ABCD3: variants seen among roughly 807,000 people sequenced by gnomAD.
The protein encoded by ABCD3 is ATP-binding cassette sub-family D member 3.
In ABCD3, 41 loss-of-function variants were observed where a neutral mutation model predicts 105.5. The ratio of observed to expected loss-of-function variants is 0.39; its 90% CI spans 0.30 to 0.50. ABCD3 has a LOEUF of 0.50. Ranked by LOEUF, ABCD3 falls within the 20% of genes least tolerant of loss-of-function variation. The pLI, the probability that ABCD3 is intolerant of heterozygous loss-of-function variation, is 0.84. For synonymous variants in ABCD3, 258 were observed against 269.0 expected (o/e 0.96, Z 0.40); for missense variants, 622 against 806.3 (o/e 0.77, Z 2.77).
chr1:94,437,333 A>G (rs1232805464), intron 1 of ABCD3, among the ~76,000 whole-genome samples: 1 of 152,254 alleles, frequency 6.6e-6, no homozygotes, highest in East Asian at 1.9e-4. Flanking sequence ...GGGATAATGC[A>G]GCAAGCAATT....
chr1:94,431,589 AC>A (rs368139922), intron 1 of ABCD3, among the ~76,000 whole-genome samples: 36 of 152,112 alleles, frequency 2.4e-4, no homozygotes, highest in African/African-American at 8.7e-4. Flanking sequence ...TTTGAGACAG[AC>A]TCACTCTGTG....
intron 8 of ABCD3, chr1:94,478,738 T>C (rs1168286335): frequency 2.3e-6 from 2 of 881,386 alleles, no homozygotes; most frequent in African/African-American, 1.7e-5. Context: ...CTTGTACTTA[T>C]TGTTTCAAAG....
intron 20 of ABCD3, among the ~76,000 whole-genome samples, chr1:94,504,617 G>A (rs1294892196): frequency 6.6e-6 from 1 of 152,176 alleles, no homozygotes; most frequent in Non-Finnish European, 1.5e-5. Flanking sequence ...CTAGAATGTT[G>A]GGGTTAGAGC....
chr1:94,396,984 A>T, the ABCD3 span, among the ~76,000 whole-genome samples: 1 of 152,114 alleles, frequency 6.6e-6, no homozygotes, highest in African/African-American at 2.4e-5. Flanking sequence ...TTATATTTAA[A>T]TTTTTTTAGG....
chr1:94,456,622 C>T, intron 1 of ABCD3, among the ~76,000 whole-genome samples: 1 of 151,318 alleles, frequency 6.6e-6, no homozygotes, highest in Non-Finnish European at 1.5e-5. Context: ...TATTTATATA[C>T]CACATATTCT....
At position 94,455,000 on chromosome 1, in the gene ABCD3, T is replaced by C. The variant is rs147905382; in HGVS notation, c.111-3607T>C. 3.9e-4 allele frequency among the ~76,000 whole-genome samples: 59 copies of C among 152,290 alleles called. No individual in the cohort carries two copies. The East Asian group carries it at 0.01, about 26-fold the overall frequency. Reference sequence around the variant, plus strand: ...TTTTGTTTTCATTTTGATGATAAATTAAAAATAAATTAATATAAGCATATT... The same window carrying C: ...TTTTGTTTTCATTTTGATGATAAATCAAAAATAAATTAATATAAGCATATT... On this transcript the variant is annotated intron_variant, in intron 1 of 22. Coordinates refer to ENST00000370214, the MANE Select transcript of ABCD3 (RefSeq NM_002858.4).
At chr1:94,467,793 T>G (rs1391632847) in intron 3 of ABCD3, 126 bp from the exon 4 acceptor site, 5 of 672,690 alleles carry the variant, frequency 7.4e-6, no homozygotes, top group African/African-American at 1.8e-5. Context: ...AGAAAAAATG[T>G]CAGCCAACTA....
In ABCD3 at chr1:94,491,184, G is replaced by A. The variant is rs138434464; in HGVS notation, c.1323G>A (p.Lys441=). Residue 441 remains lysine, a splice_region_variant and synonymous_variant, in exon 16 of 23, where the codon AAG becomes AAA. Transcript: ENST00000370214. ...CTCTTTTTAAAAATTTCCTCTATAG[G>A]TTTGATCATGTTCCTTTAGCAACGC... ...GEIIIADNII[K]FDHVPLATPN... The A allele has an allele frequency of 2.5e-5, 41 of 1,609,538 alleles. No homozygotes were observed. Among genetic ancestry groups the A allele is most frequent in the Non-Finnish European group, 3.2e-5 (38 of 1,176,642 alleles).
the ABCD3 span, among the ~76,000 whole-genome samples, chr1:94,411,742 C>G: frequency 6.6e-6 from 1 of 152,032 alleles, no homozygotes; most frequent in South Asian, 2.1e-4. Context: ...AGAAACAACC[C>G]AAATGTGCAT....
At chr1:94,453,929 G>A (rs374959828) in intron 1 of ABCD3, among the ~76,000 whole-genome samples, 36 of 138,158 alleles carry the variant, frequency 2.6e-4, no homozygotes, top group African/African-American at 9.3e-4. Context: ...TTGGATGCTT[G>A]TATTATTAAT....
chr1:94,514,992 A>G (rs1650855192), intron 21 of ABCD3, 154 bp from the exon 22 acceptor site: 2 of 641,612 alleles, frequency 3.1e-6, no homozygotes, highest in Admixed American at 2.5e-5. Context: ...CCATTGCTAT[A>G]AACATTTTGC....
At chr1:94,488,212 A>G (rs546388698) in intron 13 of ABCD3, among the ~76,000 whole-genome samples, 2 of 152,150 alleles carry the variant, frequency 1.3e-5, no homozygotes, top group Non-Finnish European at 2.9e-5. Context: ...TGTTTGCTCC[A>G]TGGACACGTA....
At chr1:94,398,679 C>T in the ABCD3 span, among the ~76,000 whole-genome samples, 1 of 152,074 alleles carries the variant, frequency 6.6e-6, no homozygotes, top group Non-Finnish European at 1.5e-5. Flanking sequence ...TTTGGGAGGC[C>T]AAGGCGGGCA....
chr1:94,414,691 A>G (rs1658967904), upstream of ABCD3, among the ~76,000 whole-genome samples: 2 of 152,014 alleles, frequency 1.3e-5, no homozygotes, highest in Non-Finnish European at 2.9e-5. Context: ...CTCATTTCAC[A>G]TGCCTCCCTC....
intron 1 of ABCD3, among the ~76,000 whole-genome samples, chr1:94,454,492 G>C (rs186258733): frequency 2.0e-5 from 3 of 152,184 alleles, no homozygotes; most frequent in Admixed American, 2.0e-4. Context: ...TCAGGGGCTC[G>C]GGAAAGAGGA....
chr1:94,502,163 C>T (rs1246392717), intron 20 of ABCD3, among the ~76,000 whole-genome samples: 3 of 152,182 alleles, frequency 2.0e-5, no homozygotes, highest in Non-Finnish European at 4.4e-5. Flanking sequence ...CTTCTCTAAC[C>T]GCTCTTCTGA....
In ABCD3 at chr1:94,456,297, C is replaced by T. The variant is rs1326345376; in HGVS notation, c.111-2310C>T. ...TTTTTTTTTTTTTTTTTTTTGGAGA[C>T]GGAGTCTTGCTCTGTCGCCCAGGCT... On this transcript the variant is annotated intron_variant, in intron 1 of 22. Transcript: ENST00000370214. Among the ~76,000 whole-genome samples, 5 of 94,358 alleles carry T rather than the reference C, an allele frequency of 5.3e-5. No homozygotes were observed. The South Asian group carries it at 1.2e-3, about 23-fold the overall frequency. The allele number at this position is 94,358 out of a possible 152,430, so 61.9% of individuals were successfully genotyped here.
the ABCD3 span, among the ~76,000 whole-genome samples, chr1:94,392,783 TG>T: frequency 6.6e-6 from 1 of 152,172 alleles, no homozygotes; most frequent in African/African-American, 2.4e-5. Flanking sequence ...TAGAGAGATT[TG>T]TGACCTTTTT....
In ABCD3 at chr1:94,436,443, A is replaced by AT. The variant is rs1258147616; in HGVS notation, c.110+17862dup. On this transcript the variant is annotated intron_variant, in intron 1 of 22. Transcript: ENST00000370214. ...TAATATGATTACTGAAAATAGTTAA[A>AT]TTTTTTTCACATAGGCTCTTTCCAT... 1.3e-4 allele frequency among the ~76,000 whole-genome samples: 20 copies of AT among 152,236 alleles called. No individual in the cohort carries two copies. The East Asian group carries it at 3.3e-3, about 25-fold the overall frequency.
Sources: gnomAD v4.1 joint callset for allele counts (sites outside exome capture counted in the v4.1 genomes callset) on GRCh38, gnomAD v4.1.1 for gene constraint, MANE v1.5 for transcripts, NCBI Gene and HGNC (gene_info 2026-07-23, HGNC 2026-07-21) for gene names.